PIAS3: variants seen among roughly 807,000 people sequenced by gnomAD.
The protein encoded by PIAS3 is E3 SUMO-protein ligase PIAS3.
PIAS3 carries 34 observed loss-of-function variants against 67.6 expected under a neutral mutation model. That is an observed-to-expected ratio of 0.50 (90% CI 0.38 to 0.67). The LOEUF is 0.67. Ranked by LOEUF, PIAS3 falls within the 30% of genes least tolerant of loss-of-function variation. The pLI is 0.00. For missense variants in PIAS3, 693 were observed against 791.6 expected (o/e 0.88, Z 1.49); for synonymous variants, 341 against 313.8 (o/e 1.09, Z -0.92).
In PIAS3 at chr1:145,849,456, G is replaced by C; in HGVS notation, c.1877C>G (p.Ser626Cys). Reference sequence around the variant, plus strand: ...CATAATCCAGGGAACTCAGTCCAGGGAAATGATGTCTGACCGACAGCCAGT... The same window carrying C: ...CATAATCCAGGGAACTCAGTCCAGGCAAATGATGTCTGACCGACAGCCAGT... ...SLTGCRSDII[S>C]LD Residue 626 changes from serine (S) to cysteine (C), a missense_variant, in exon 14 of 14, where the codon TCC becomes TGC. Coordinates refer to ENST00000393045, the MANE Select transcript of PIAS3 (RefSeq NM_006099.3). The C allele has an allele frequency of 6.7e-7, 1 of 1,502,100 alleles. No individual in the cohort carries two copies. Among genetic ancestry groups the C allele is most frequent in the Non-Finnish European group, 8.8e-7 (1 of 1,130,062 alleles). The allele number at this position is 1,502,100 out of a possible 1,614,324, so 93.0% of individuals were successfully genotyped here.
In PIAS3 at chr1:145,858,117, G is replaced by C. The variant is rs189787370; in HGVS notation, c.24+850C>G. The stretch of plus-strand genomic sequence containing the variant: ...AAACTCTATGTAGCAGGAGGGGAGC[G>C]CTCTCCTTAGAAGACTCCCTTCTGT... On this transcript the variant is annotated intron_variant, in intron 1 of 13. Transcript: ENST00000393045. 1.8e-3 allele frequency among the ~76,000 whole-genome samples: 276 copies of C among 152,138 alleles called. 2 individuals carry two copies. Among genetic ancestry groups the C allele is most frequent in the South Asian group, 3.5e-3 (17 of 4,828 alleles).
rs1553733586 is a variant in PIAS3 at position 145,849,569 on chromosome 1, G to C, written c.1764C>G (p.Pro588=). The C allele has an allele frequency of 1.2e-6, 2 of 1,609,660 alleles. No homozygotes were observed. Among genetic ancestry groups the C allele is most frequent in the African/African-American group, 1.3e-5 (1 of 74,934 alleles). ...CAATGCTGCTGACACGGCCAGGAGG[G>C]GGCGCCGGAGTGGCGCTGCAGTGGG... ...GSSHCSATPA[P]PPGRVSSIVA... is the part of the protein sequence containing the mutation. Residue 588 remains proline, a synonymous_variant, in exon 14 of 14, where the codon CCC becomes CCG. Transcript: ENST00000393045.
In PIAS3 at chr1:145,849,495, G is replaced by T; in HGVS notation, c.1838C>A (p.Ser613Ter). The T allele has an allele frequency of 6.5e-7, 1 of 1,531,680 alleles. No individual in the cohort carries two copies. The highest frequency in any genetic ancestry group is 8.7e-7 in the Non-Finnish European group (1 of 1,144,014). 94.9% of individuals were successfully genotyped at this position (1,531,680 alleles called of 1,614,324 possible). Reference sequence around the variant, plus strand: ...CCGACAGCCAGTCAAAGAGGGACCTGAGGGCAGGGGTCCTCCATGCCCCTC... The same window carrying T: ...CCGACAGCCAGTCAAAGAGGGACCTTAGGGCAGGGGTCCTCCATGCCCCTC... ...LREGHGGPLPSGPSLTGCRSD... is the reference protein window; with the variant it reads ...LREGHGGPLP The change falls in exon 14 of 14, where the codon TCA becomes TAA. Residue 613 changes from serine to a stop codon, truncating the protein, a stop_gained. Coordinates refer to ENST00000393045, the MANE Select transcript of PIAS3 (RefSeq NM_006099.3). LOFTEE classifies it high-confidence loss of function.
At chr1:145,850,649 C>CGG (rs1652920924) in intron 11 of PIAS3, 63 bp from the exon 12 acceptor site, 1 of 1,600,884 alleles carries the variant, frequency 6.2e-7, no homozygotes, top group African/African-American at 1.3e-5. Context: ...AGCTCAGGTC[C>CGG]CCAGGTTCCC....
At chr1:145,849,789 C>G (rs1272021006) in intron 13 of PIAS3, 77 bp from the exon 14 acceptor site, 7 of 1,503,024 alleles carry the variant, frequency 4.7e-6, no homozygotes, top group Non-Finnish European at 3.5e-6. Context: ...TCAGAAATGC[C>G]GTATGAGAGC....
Position 145,855,740 on chromosome 1 carries a change from AG to A in PIAS3, c.664del (p.Leu222CysfsTer56). 1 of 1,558,100 alleles carries A rather than the reference AG, an allele frequency of 6.4e-7. No individual in the cohort carries two copies. Among genetic ancestry groups the A allele is most frequent in the Non-Finnish European group, 8.8e-7 (1 of 1,135,560 alleles). On this transcript the variant is annotated frameshift_variant, in exon 5 of 14. Coordinates refer to ENST00000393045, the MANE Select transcript of PIAS3 (RefSeq NM_006099.3). LOFTEE classifies it high-confidence loss of function. ...GAAGAAGGGGAGAGCATTTACCGGC[AG>A]GGGGCACAGTTTCCCATTGACCTTG... Reference protein sequence around the residue: ...FVKVNGKLCPLPGYLPPTKNG... With the variant: ...FVKVNGKLCPXPGYLPPTKNG...
At chr1:145,850,663 C>G in intron 11 of PIAS3, 77 bp from the exon 12 acceptor site, 1 of 1,597,312 alleles carries the variant, frequency 6.3e-7, no homozygotes, top group East Asian at 2.2e-5. Flanking sequence ...GGTTCCCTCT[C>G]TGTCCCCTCC....
intron 6 of PIAS3, 22 bp from the exon 7 acceptor site, chr1:145,854,585 A>G (rs782301238): frequency 1.3e-6 from 2 of 1,581,156 alleles, no homozygotes; most frequent in African/African-American, 2.7e-5. Flanking sequence ...CAGGGGGTAG[A>G]CAATTAGCCT....
At chr1:145,852,537 T>C (rs587662556) in intron 9 of PIAS3, among the ~76,000 whole-genome samples, 4 of 151,980 alleles carry the variant, frequency 2.6e-5, no homozygotes, top group Admixed American at 6.6e-5. Context: ...ACCTATCTCA[T>C]AGGGTTTTTT....
chr1:145,857,785 A>C (rs1057426506), intron 1 of PIAS3, among the ~76,000 whole-genome samples: 5 of 152,160 alleles, frequency 3.3e-5, no homozygotes, highest in Admixed American at 2.6e-4. Flanking sequence ...TCTGCCAGGA[A>C]CCATAATCTG....
Position 145,849,443 on chromosome 1 carries a change from A to G in PIAS3, c.*3T>C, listed in dbSNP as rs1652863307. ...ACAGCGAAGTTTCCATAATCCAGGG[A>G]ACTCAGTCCAGGGAAATGATGTCTG... On this transcript the variant is annotated 3_prime_UTR_variant, in exon 14 of 14. Transcript: ENST00000393045. 6.7e-7 allele frequency: 1 copy of G among 1,487,792 alleles called. No individual in the cohort carries two copies. The highest frequency in any genetic ancestry group is 1.4e-5 in the South Asian group (1 of 71,554). The allele number at this position is 1,487,792 out of a possible 1,614,324, so 92.2% of individuals were successfully genotyped here.
chr1:145,853,743 A>G, intron 8 of PIAS3, 70 bp downstream of exon 8: 1 of 1,606,284 alleles, frequency 6.2e-7, no homozygotes, highest in Non-Finnish European at 8.5e-7. Flanking sequence ...ATCCCTAGGA[A>G]CCCTCATCAA....
chr1:145,856,392 G>A lies in PIAS3; in HGVS notation c.482C>T (p.Thr161Ile). 1 of 1,614,132 alleles carries A rather than the reference G, an allele frequency of 6.2e-7. No homozygotes were observed. Among genetic ancestry groups the A allele is most frequent in the Non-Finnish European group, 8.5e-7 (1 of 1,179,994 alleles). Residue 161 changes from threonine to isoleucine, a missense_variant, in exon 3 of 14, where the codon ACC (threonine) becomes ATC (isoleucine). Around this residue, in one of 3 missense-constraint regions of PIAS3, gnomAD observed 308 missense variants for 348.8 expected, o/e 0.88. Coordinates refer to ENST00000393045, the MANE Select transcript of PIAS3 (RefSeq NM_006099.3). Reference sequence around the variant, plus strand: ...CACTTGCTGGGGTGTGAGGGCAAAGGTAAAGTGCGCTTCCTCAAACCGCTG... The same window carrying A: ...CACTTGCTGGGGTGTGAGGGCAAAGATAAAGTGCGCTTCCTCAAACCGCTG... ...SSQRFEEAHF[T>I]FALTPQQVQQ... is the part of the protein sequence containing the mutation.
chr1:145,853,726 C>T lies in PIAS3; in HGVS notation c.985-62G>A, dbSNP rs113451928. 1.2e-3 allele frequency: 1,908 copies of T among 1,607,150 alleles called. 27 individuals are homozygous for T. In the African/African-American group the frequency reaches 0.022, roughly 19 times the overall value. On this transcript the variant is annotated intron_variant, in intron 8 of 13. Coordinates refer to ENST00000393045, the MANE Select transcript of PIAS3 (RefSeq NM_006099.3). Reference sequence around the variant, plus strand: ...TCTGATTTCATCCCAGAAAACTTCACGCCAGTATCCCTAGGAACCCTCATC... The same window carrying T: ...TCTGATTTCATCCCAGAAAACTTCATGCCAGTATCCCTAGGAACCCTCATC...
Position 145,854,836 on chromosome 1 carries a change from G to A in PIAS3, c.714C>T (p.Pro238=). Residue 238 remains proline (P), a synonymous_variant, in exon 6 of 14, where the codon CCC becomes CCT. Coordinates refer to ENST00000393045, the MANE Select transcript of PIAS3 (RefSeq NM_006099.3). ...PTKNGAEPKR[P]SRPINITPLA... ...GGGGTGTGATGTTGATGGGGCGGCTGGGCCTCTTGGGCTCGGCCCCATTCT... is the reference window on the plus strand; with the variant it reads ...GGGGTGTGATGTTGATGGGGCGGCTAGGCCTCTTGGGCTCGGCCCCATTCT... 1.3e-5 allele frequency: 21 copies of A among 1,614,198 alleles called. No homozygotes were observed. The highest frequency in any genetic ancestry group is 1.7e-5 in the Non-Finnish European group (20 of 1,180,018).
At chr1:145,850,678 T>C (rs1553734077) in intron 11 of PIAS3, 92 bp from the exon 12 acceptor site, 3 of 1,595,448 alleles carry the variant, frequency 1.9e-6, no homozygotes, top group Non-Finnish European at 2.6e-6. Context: ...CCCTCCACAT[T>C]TCTCTTGCCC....
At chr1:145,851,662 A>G (rs1457815342) in intron 9 of PIAS3, among the ~76,000 whole-genome samples, 2 of 150,122 alleles carry the variant, frequency 1.3e-5, no homozygotes, top group African/African-American at 2.5e-5. Flanking sequence ...CCTCAAAAAA[A>G]AAAAAAAAAA....
intron 1 of PIAS3, 27 bp from the exon 2 acceptor site, chr1:145,857,033 G>A (rs1411499984): frequency 6.8e-6 from 11 of 1,606,788 alleles, no homozygotes; most frequent in Admixed American, 3.4e-5. Context: ...AGAAGCTTGA[G>A]CATCCTCCCT....
At position 145,854,778 on chromosome 1, in the gene PIAS3, T is replaced by C. The variant is rs1182391267; in HGVS notation, c.772A>G (p.Ile258Val). The change falls in exon 6 of 14, where the codon ATT (isoleucine) becomes GTT (valine). Residue 258 changes from isoleucine to valine, a missense_variant. Ile to Val is a conservative substitution (Grantham distance 29). Around this residue, in one of 3 missense-constraint regions of PIAS3, gnomAD observed 308 missense variants for 348.8 expected, o/e 0.88. Coordinates refer to ENST00000393045, the MANE Select transcript of PIAS3 (RefSeq NM_006099.3). Reference sequence around the variant, plus strand: ...AACTCAGATGACCAATTGACCACAATGGTGTTGGGAACAGTGGCTGAGAGT... The same window carrying C: ...AACTCAGATGACCAATTGACCACAACGGTGTTGGGAACAGTGGCTGAGAGT... ...ARLSATVPNT[I>V]VVNWSSEFGR... 1.2e-6 allele frequency: 2 copies of C among 1,614,106 alleles called. No homozygotes were observed. The highest frequency in any genetic ancestry group is 1.6e-4 in the Middle Eastern group (1 of 6,062).
Sources: gnomAD v4.1 joint callset for allele counts (sites outside exome capture counted in the v4.1 genomes callset) on GRCh38, gnomAD v4.1.1 for gene constraint, gnomAD v4.1.1 regional missense constraint, MANE v1.5 for transcripts, NCBI Gene and HGNC (gene_info 2026-07-23, HGNC 2026-07-21) for gene names.